Variants in PDE11A observed in about 807,000 individuals in gnomAD.
The protein encoded by PDE11A is dual 3',5'-cyclic-AMP and -GMP phosphodiesterase 11A.
PDE11A carries 100 observed loss-of-function variants against 100.5 expected under a neutral mutation model. That is an observed-to-expected ratio of 1.00 (90% CI 0.85 to 1.18). PDE11A has a LOEUF of 1.18. Ranked by LOEUF, PDE11A falls within the 50% of genes most tolerant of loss-of-function variation. The pLI, the probability that PDE11A is intolerant of heterozygous loss-of-function variation, is 0.00. For synonymous variants in PDE11A, 381 were observed against 420.8 expected, an observed-to-expected ratio of 0.91 and a Z score of 1.16; for missense variants, 1,141 against 1,152.6, an observed-to-expected ratio of 0.99 and a Z score of 0.15.
chr2:177,654,431 GGATT>G (rs1304271515), intron 19 of PDE11A, among the ~76,000 whole-genome samples: 1 of 152,160 alleles, frequency 6.6e-6, no homozygotes, highest in Non-Finnish European at 1.5e-5. Flanking sequence ...TGAGGTGGGA[GGATT>G]GCTTGTGCCT....
chr2:178,072,124 C>A lies in PDE11A; in HGVS notation c.314G>T (p.Gly105Val). 6.2e-7 allele frequency: 1 copy of A among 1,613,886 alleles called. No individual in the cohort carries two copies. Residue 105 changes from glycine (G) to valine (V), a missense_variant, in exon 1 of 20, where the codon GGC (glycine) becomes GTC (valine). Coordinates refer to ENST00000286063, the MANE Select transcript of PDE11A (RefSeq NM_016953.4). ...CTGCAGGTTCCCATCGCCCCTGCTG[C>A]CACCGGCCCAGCTGGGACTCAAGGG... Reference protein sequence around the residue: ...GVPLSPSWAGGSRGDGNLQRR... With the variant: ...GVPLSPSWAGVSRGDGNLQRR...
chr2:177,747,895 C>G (rs1012061688), intron 10 of PDE11A, among the ~76,000 whole-genome samples: 3 of 152,018 alleles, frequency 2.0e-5, no homozygotes, highest in Non-Finnish European at 4.4e-5. Flanking sequence ...CCAGAGAGGT[C>G]GAATAACTTG....
intron 6 of PDE11A, among the ~76,000 whole-genome samples, chr2:177,834,208 A>T (rs750208315): frequency 1.2e-4 from 18 of 152,208 alleles, no homozygotes; most frequent in Non-Finnish European, 1.9e-4. Flanking sequence ...GGAGCAAAAA[A>T]ATCCTGCATC....
At chr2:177,649,547 T>A in intron 19 of PDE11A, among the ~76,000 whole-genome samples, 1 of 152,222 alleles carries the variant, frequency 6.6e-6, no homozygotes, top group East Asian at 1.9e-4. Context: ...TGCTCATATA[T>A]GTTCATAGAT....
At chr2:177,935,552 C>A (rs2085261855) in intron 2 of PDE11A, among the ~76,000 whole-genome samples, 1 of 152,140 alleles carries the variant, frequency 6.6e-6, no homozygotes, top group Non-Finnish European at 1.5e-5. Context: ...ACAGGCAGTA[C>A]CCAAGAGACC....
At chr2:177,797,961 A>C (rs2082728514) in intron 9 of PDE11A, among the ~76,000 whole-genome samples, 1 of 152,198 alleles carries the variant, frequency 6.6e-6, no homozygotes, top group Admixed American at 6.5e-5. Flanking sequence ...TTTTAGAATC[A>C]AGTTCAAATT....
rs1269030897 is a variant in PDE11A, at chr2:177,790,604, C to A, written c.1738-21231G>T. 2.0e-5 allele frequency among the ~76,000 whole-genome samples: 3 copies of A among 152,144 alleles called. No homozygotes were observed. The East Asian group carries it at 5.8e-4, about 29-fold the overall frequency. On this transcript the variant is annotated intron_variant, in intron 9 of 19. Coordinates refer to ENST00000286063, the MANE Select transcript of PDE11A (RefSeq NM_016953.4). Reference sequence around the variant, plus strand: ...AACTACTATCAGAATGAACAGGCAACCTACAAAATGGGAGAAAATTTTTGC... The same window carrying A: ...AACTACTATCAGAATGAACAGGCAAACTACAAAATGGGAGAAAATTTTTGC...
At chr2:177,818,388 C>T (rs377021454) in intron 7 of PDE11A, among the ~76,000 whole-genome samples, 2 of 151,344 alleles carry the variant, frequency 1.3e-5, no homozygotes, top group African/African-American at 4.9e-5. Flanking sequence ...AGAACATAAG[C>T]TTTGGACTTA....
At chr2:178,006,657 T>G (rs778558482) in intron 2 of PDE11A, among the ~76,000 whole-genome samples, 1 of 152,070 alleles carries the variant, frequency 6.6e-6, no homozygotes, top group Non-Finnish European at 1.5e-5. Flanking sequence ...TTTATAGCCC[T>G]GAAAGAACAA....
chr2:177,796,191 C>G (rs1451432418), intron 9 of PDE11A, among the ~76,000 whole-genome samples: 1 of 151,880 alleles, frequency 6.6e-6, no homozygotes. Context: ...CTTTGTGACA[C>G]TCAGGTGACT....
chr2:177,814,109 T>C (rs1349469499), intron 9 of PDE11A, among the ~76,000 whole-genome samples: 2 of 152,116 alleles, frequency 1.3e-5, no homozygotes, highest in African/African-American at 4.8e-5. Context: ...AGCTCTGTTA[T>C]TACTATTTTA....
chr2:178,083,157 T>C (rs1574389706), intron 2 of PDE11A, among the ~76,000 whole-genome samples: 2 of 150,984 alleles, frequency 1.3e-5, no homozygotes, highest in Non-Finnish European at 2.9e-5. Context: ...TGGAGTGCAG[T>C]GGCGCAATCT....
chr2:178,087,955 A>G (rs1271123800), intron 2 of PDE11A, among the ~76,000 whole-genome samples: 1 of 152,060 alleles, frequency 6.6e-6, no homozygotes, highest in East Asian at 1.9e-4. Flanking sequence ...TGGTTCTGCA[A>G]ATAAAATATA....
At chr2:178,081,860 C>G (rs1238386291) in intron 2 of PDE11A, among the ~76,000 whole-genome samples, 1 of 152,224 alleles carries the variant, frequency 6.6e-6, no homozygotes, top group Non-Finnish European at 1.5e-5. Context: ...CAAAAGGACA[C>G]CAAGGTTGAA....
chr2:177,830,400 G>A (rs1244369379), intron 6 of PDE11A, among the ~76,000 whole-genome samples: 1 of 152,022 alleles, frequency 6.6e-6, no homozygotes, highest in Non-Finnish European at 1.5e-5. Context: ...AGGAGTTCAA[G>A]ACCAGCCTGG....
At chr2:177,983,990 T>G (rs767597994) in intron 2 of PDE11A, among the ~76,000 whole-genome samples, 27 of 152,176 alleles carry the variant, frequency 1.8e-4, no homozygotes, top group Non-Finnish European at 3.8e-4. Context: ...TAAAACAAAT[T>G]AGCAATATAC....
intron 2 of PDE11A, among the ~76,000 whole-genome samples, chr2:178,097,912 C>A (rs373034381): frequency 6.6e-6 from 1 of 152,134 alleles, no homozygotes; most frequent in East Asian, 1.9e-4. Flanking sequence ...ATCAAGAAAA[C>A]TTTCAAAACT....
intron 2 of PDE11A, among the ~76,000 whole-genome samples, chr2:178,001,077 G>A (rs2086139812): frequency 6.6e-6 from 1 of 152,070 alleles, no homozygotes; most frequent in African/African-American, 2.4e-5. Context: ...TCATCCATAA[G>A]GTGAGAATTA....
At chr2:177,992,478 C>G (rs1390878565) in intron 2 of PDE11A, among the ~76,000 whole-genome samples, 1 of 143,618 alleles carries the variant, frequency 7.0e-6, no homozygotes, top group African/African-American at 2.6e-5. Flanking sequence ...ACCATTCATG[C>G]TATTTGCCTC....
Sources: allele counts gnomAD v4.1 joint callset (sites outside exome capture counted in the v4.1 genomes callset), GRCh38; gene constraint gnomAD v4.1.1; transcripts MANE v1.5; gene names NCBI Gene and HGNC (gene_info 2026-07-23, HGNC 2026-07-21).